Variants in SUFU observed in about 807,000 individuals in gnomAD.
SUFU encodes the protein suppressor of fused homolog.
A neutral mutation model predicts 58.9 loss-of-function variants in SUFU; 7 were observed. The observed-to-expected ratio is 0.12, with a 90% CI of 0.07 to 0.22. The LOEUF (loss-of-function observed/expected upper bound fraction) is 0.22, where lower values mean the gene tolerates loss of function less well. Ranked by LOEUF, SUFU falls within the 10% of genes least tolerant of loss-of-function variation. SUFU has a pLI of 1.00. For missense variants in SUFU, 451 were observed against 641.3 expected (o/e 0.70, Z 3.20); for synonymous variants, 232 against 254.8 (o/e 0.91, Z 0.85).
chr10:102,599,380 A>G (rs1392019300), intron 7 of SUFU, 53 bp from the exon 8 acceptor site: 8 of 1,379,310 alleles, frequency 5.8e-6, no homozygotes, highest in Non-Finnish European at 8.3e-6. Flanking sequence ...GAGCGGGGTG[A>G]GAATTGCTGG....
At chr10:102,542,654 T>C (rs1191152883) in intron 2 of SUFU, among the ~76,000 whole-genome samples, 3 of 146,058 alleles carry the variant, frequency 2.1e-5, no homozygotes, top group Non-Finnish European at 3.0e-5. Context: ...AGACTGAGTC[T>C]CCCTCTGTCA....
intron 2 of SUFU, among the ~76,000 whole-genome samples, chr10:102,541,911 C>A (rs1249796292): frequency 2.6e-5 from 3 of 115,086 alleles, no homozygotes; most frequent in Non-Finnish European, 5.2e-5. Flanking sequence ...GACAGAGTTT[C>A]GCTCTTGTTG....
chr10:102,573,616 A>T lies in SUFU; in HGVS notation c.455-18966A>T, dbSNP rs2063184441. Among the ~76,000 whole-genome samples, 3 of 152,282 alleles carry T rather than the reference A, an allele frequency of 2.0e-5. No homozygotes were observed. The South Asian group carries it at 6.2e-4, about 31-fold the overall frequency. ...TGGGTAAACAAAGTATGGTATATAC[A>T]TATAATGGAATATTACTCAGCCTTA... On this transcript the variant is annotated intron_variant, in intron 3 of 11. Transcript: ENST00000369902.
At chr10:102,529,943 C>CAAA (rs55915114) in intron 2 of SUFU, among the ~76,000 whole-genome samples, 1 of 134,442 alleles carries the variant, frequency 7.4e-6, no homozygotes, top group Non-Finnish European at 1.6e-5. Flanking sequence ...GACTCCGTCT[C>CAAA]AAAAAAAAAA....
Position 102,555,471 on chromosome 10 carries a change from T to C in SUFU, c.454+5365T>C, listed in dbSNP as rs939898733. The stretch of plus-strand genomic sequence containing the variant: ...TCTTACTCACACGGAAAATCAGTAA[T>C]ATTGATACAAATAAAATTACCTCGT... On this transcript the variant is annotated intron_variant, in intron 3 of 11. Coordinates refer to ENST00000369902, the MANE Select transcript of SUFU (RefSeq NM_016169.4). 6.6e-5 allele frequency among the ~76,000 whole-genome samples: 10 copies of C among 152,160 alleles called. No homozygotes were observed. In the East Asian group the frequency reaches 1.9e-3, roughly 29 times the overall value.
rs1431367388 is a variant in SUFU at position 102,629,609 on chromosome 10, A to C, written c.1366-457A>C. Among the ~76,000 whole-genome samples the C allele has an allele frequency of 6.6e-6, 1 of 152,190 alleles. No homozygotes were observed. The highest frequency in any genetic ancestry group is 1.9e-4 in the East Asian group (1 of 5,184). ...CTTTGGAGCCTTTGGCCAAGTATAC[A>C]GAGGACAGGTTCCAGGGTTCTTCCT... On this transcript the variant is annotated intron_variant, in intron 11 of 11. Coordinates refer to ENST00000369902, the MANE Select transcript of SUFU (RefSeq NM_016169.4). The surrounding 1 kb of genome is among the most constrained non-coding windows in gnomAD (Gnocchi z 4.7).
rs892074002 is a variant in SUFU, at chr10:102,532,507, A to G, written c.318-17463A>G. On this transcript the variant is annotated intron_variant, in intron 2 of 11. Transcript: ENST00000369902. ...GTGGTCAGAGTGTCAGGCGGGCTGC[A>G]TCCTCATCTGGGGCTCCAGTGGGGA... Among the ~76,000 whole-genome samples the G allele has an allele frequency of 4.6e-4, 70 of 152,202 alleles. 2 individuals carry two copies. The highest frequency in any genetic ancestry group is 1.5e-5 in the Non-Finnish European group (1 of 68,040).
chr10:102,602,576 A>G (rs1194693175), intron 8 of SUFU, among the ~76,000 whole-genome samples: 2 of 152,250 alleles, frequency 1.3e-5, no homozygotes, highest in Non-Finnish European at 2.9e-5. Flanking sequence ...TGGCTCATTT[A>G]TACCAAAATT....
At chr10:102,614,251 T>G (rs2063658151) in intron 8 of SUFU, among the ~76,000 whole-genome samples, 1 of 152,122 alleles carries the variant, frequency 6.6e-6, no homozygotes, top group African/African-American at 2.4e-5. Flanking sequence ...CACTGTGCCA[T>G]AAACTTTAAT....
chr10:102,606,606 T>A (rs893542315), intron 8 of SUFU, among the ~76,000 whole-genome samples: 1 of 152,050 alleles, frequency 6.6e-6, no homozygotes, highest in Non-Finnish European at 1.5e-5. Context: ...TAAAAGAGGA[T>A]AAAGGTGGAG....
chr10:102,573,583 C>T (rs1051210440), intron 3 of SUFU, among the ~76,000 whole-genome samples: 1 of 152,150 alleles, frequency 6.6e-6, no homozygotes, highest in Admixed American at 6.5e-5. Flanking sequence ...TGTCCATCAA[C>T]AGATGAATGG....
At chr10:102,533,004 A>G (rs1377664829) in intron 2 of SUFU, among the ~76,000 whole-genome samples, 1 of 152,160 alleles carries the variant, frequency 6.6e-6, no homozygotes, top group Non-Finnish European at 1.5e-5. Flanking sequence ...AGGCTAACGC[A>G]TGGTGTGGCA....
At chr10:102,528,961 C>CTTTTTTTT (rs33942579) in intron 2 of SUFU, among the ~76,000 whole-genome samples, 2 of 131,166 alleles carry the variant, frequency 1.5e-5, no homozygotes, top group Non-Finnish European at 3.2e-5. Context: ...TTTTTCCTTT[C>CTTTTTTTT]TTTTTTTTTT....
chr10:102,514,789 C>T (rs1356702369), intron 2 of SUFU, among the ~76,000 whole-genome samples: 2 of 152,230 alleles, frequency 1.3e-5, no homozygotes, highest in African/African-American at 4.8e-5. Flanking sequence ...CTGGCTGTCC[C>T]TGGTACCACC....
intron 2 of SUFU, among the ~76,000 whole-genome samples, chr10:102,548,192 T>G (rs1222443979): frequency 1.3e-5 from 2 of 152,028 alleles, no homozygotes; most frequent in Non-Finnish European, 2.9e-5. Context: ...GAGAGATAGA[T>G]AGATAGATAC....
chr10:102,625,559 T>C lies in SUFU; in HGVS notation c.1297-1616T>C, dbSNP rs1564710800. Reference sequence around the variant, plus strand: ...TGAGTTAGTGTCCTGGGGGTGAGAGTTCAGCATTCGGGAGCAGTACTCCAG... The same window carrying C: ...TGAGTTAGTGTCCTGGGGGTGAGAGCTCAGCATTCGGGAGCAGTACTCCAG... On this transcript the variant is annotated intron_variant, in intron 10 of 11. Coordinates refer to ENST00000369902, the MANE Select transcript of SUFU (RefSeq NM_016169.4). The surrounding 1 kb of genome is among the most constrained non-coding windows in gnomAD (Gnocchi z 4.7). 6.6e-6 allele frequency among the ~76,000 whole-genome samples: 1 copy of C among 151,636 alleles called. No homozygotes were observed.
intron 3 of SUFU, 118 bp from the exon 4 acceptor site, chr10:102,592,464 C>A (rs2063413117): frequency 8.5e-7 from 1 of 1,176,182 alleles, no homozygotes. Flanking sequence ...TCTTCCTTCA[C>A]AGGGGCTACC....
At chr10:102,621,104 C>T (rs2063736176) in intron 10 of SUFU, among the ~76,000 whole-genome samples, 3 of 152,152 alleles carry the variant, frequency 2.0e-5, no homozygotes, top group African/African-American at 7.2e-5. Flanking sequence ...GCCGAGCTCT[C>T]CTCTGGGCAA....
At chr10:102,573,512 G>C (rs1038673288) in intron 3 of SUFU, among the ~76,000 whole-genome samples, 2 of 152,196 alleles carry the variant, frequency 1.3e-5, no homozygotes, top group Non-Finnish European at 2.9e-5. Context: ...TGAAAGCAGG[G>C]ACTTGAACAG....
Sources: allele counts gnomAD v4.1 joint callset (sites outside exome capture counted in the v4.1 genomes callset), GRCh38; gene constraint gnomAD v4.1.1; non-coding constraint Gnocchi (gnomAD v3.1); transcripts MANE v1.5; gene names NCBI Gene and HGNC (gene_info 2026-07-23, HGNC 2026-07-21).